The following TECPR2 variants were observed in gnomAD, a reference collection of about 807,000 sequenced individuals.
TECPR2 encodes tectonin beta-propeller repeat containing 2.
In TECPR2, 65 loss-of-function variants were observed where a neutral mutation model predicts 138.1. That is an observed-to-expected ratio of 0.47 (90% CI 0.39 to 0.58). The LOEUF (loss-of-function observed/expected upper bound fraction) is 0.58. Ranked by LOEUF, TECPR2 falls within the 20% of genes least tolerant of loss-of-function variation. The probability of loss-of-function intolerance (pLI) is 0.00; values close to 1 mark genes in which losing one functional copy is unlikely to be tolerated. For synonymous variants in TECPR2, 746 were observed against 749.8 expected (o/e 0.99, Z 0.08); for missense variants, 1,553 against 1,824.5 (o/e 0.85, Z 2.71).
In TECPR2 at chr14:102,436,334, TC is replaced by T. The variant is rs1405899539; in HGVS notation, c.2394+1124del. Among the ~76,000 whole-genome samples, 323 of 150,582 alleles carry T rather than the reference TC, an allele frequency of 2.1e-3. 4 individuals are homozygous for T. The highest frequency in any genetic ancestry group is 7.1e-3 in the African/African-American group (292 of 41,118). ...TCTTTCTTTCTTTTTTTTTTTTTTT[TC>T]TGAGACAGGGTCTCACTCTGTCACC... On this transcript the variant is annotated intron_variant, in intron 9 of 19. Coordinates refer to ENST00000359520, the MANE Select transcript of TECPR2 (RefSeq NM_014844.5).
At chr14:102,395,484 T>C (rs1888290922) in intron 2 of TECPR2, among the ~76,000 whole-genome samples, 1 of 152,196 alleles carries the variant, frequency 6.6e-6, no homozygotes, top group South Asian at 2.1e-4. Context: ...TGAGCAATGC[T>C]TATACATGTG....
intron 17 of TECPR2, among the ~76,000 whole-genome samples, chr14:102,490,818 C>G (rs1247724259): frequency 6.6e-6 from 1 of 152,240 alleles, no homozygotes; most frequent in Non-Finnish European, 1.5e-5. Flanking sequence ...CCTGCCCTTC[C>G]CTGCAGCTTG....
intron 9 of TECPR2, 108 bp downstream of exon 9, chr14:102,435,319 T>C (rs538920359): frequency 2.1e-6 from 3 of 1,449,216 alleles, no homozygotes; most frequent in South Asian, 2.8e-5. Flanking sequence ...CTATTCCTAC[T>C]GCAAAATCCG....
intron 17 of TECPR2, among the ~76,000 whole-genome samples, chr14:102,479,486 T>G (rs1890837485): frequency 6.6e-6 from 1 of 152,120 alleles, no homozygotes; most frequent in Non-Finnish European, 1.5e-5. Flanking sequence ...TGTGGCTAAT[T>G]CCATGGGCAG....
chr14:102,487,862 AC>A (rs1224983999), intron 17 of TECPR2, among the ~76,000 whole-genome samples: 2 of 111,224 alleles, frequency 1.8e-5, no homozygotes, highest in East Asian at 5.3e-4. Context: ...TTTTTTTGAT[AC>A]GGAGTTTCAC....
chr14:102,380,061 A>C (rs1471955454), intron 2 of TECPR2, among the ~76,000 whole-genome samples: 2 of 136,274 alleles, frequency 1.5e-5, no homozygotes, highest in East Asian at 2.2e-4. Context: ...TGAAGATCAC[A>C]GTCTTAAAAT....
chr14:102,368,853 A>G (rs1232421284), intron 1 of TECPR2, among the ~76,000 whole-genome samples: 2 of 152,056 alleles, frequency 1.3e-5, no homozygotes, highest in African/African-American at 2.4e-5. Context: ...GGCTTGAGGG[A>G]GGCTTGGAGA....
intron 16 of TECPR2, among the ~76,000 whole-genome samples, chr14:102,454,989 C>T (rs1890240524): frequency 6.6e-6 from 1 of 152,244 alleles, no homozygotes; most frequent in Non-Finnish European, 1.5e-5. Context: ...CCAGTCCTCC[C>T]AGCACCGGCT....
At chr14:102,407,984 G>A (rs930598918) in intron 3 of TECPR2, among the ~76,000 whole-genome samples, 1 of 150,346 alleles carries the variant, frequency 6.7e-6, no homozygotes, top group Non-Finnish European at 1.5e-5. Context: ...GCGACAGAGG[G>A]AGACTCCATC....
At chr14:102,464,918 G>C (rs1215404576) in intron 16 of TECPR2, among the ~76,000 whole-genome samples, 1 of 152,182 alleles carries the variant, frequency 6.6e-6, no homozygotes, top group Non-Finnish European at 1.5e-5. Flanking sequence ...AGTGGCCAGA[G>C]GCCATTATTA....
At chr14:102,440,329 G>A in intron 10 of TECPR2, 107 bp from the exon 11 acceptor site, 1 of 1,447,656 alleles carries the variant, frequency 6.9e-7, no homozygotes, top group South Asian at 1.3e-5. Context: ...GACAGAACAG[G>A]ATGTGTTTTA....
intron 3 of TECPR2, among the ~76,000 whole-genome samples, chr14:102,407,921 C>T (rs1171947589): frequency 2.0e-5 from 3 of 151,988 alleles, no homozygotes; most frequent in South Asian, 2.1e-4. Context: ...GGCGTGAACC[C>T]GGAAGACGGA....
intron 13 of TECPR2, among the ~76,000 whole-genome samples, chr14:102,446,643 C>T (rs1036618982): frequency 2.0e-5 from 3 of 151,992 alleles, no homozygotes; most frequent in African/African-American, 4.8e-5. Context: ...CCACCCTCTC[C>T]GCCTCCCAAA....
chr14:102,426,448 C>T (rs1889323855), intron 6 of TECPR2, among the ~76,000 whole-genome samples: 2 of 152,200 alleles, frequency 1.3e-5, no homozygotes, highest in Admixed American at 6.5e-5. Flanking sequence ...ACTCCTCACC[C>T]CCAGACTCTA....
intron 1 of TECPR2, among the ~76,000 whole-genome samples, chr14:102,363,519 T>C (rs1887249157): frequency 6.6e-6 from 1 of 151,272 alleles, no homozygotes; most frequent in Non-Finnish European, 1.5e-5. Flanking sequence ...CCGCGTCCCT[T>C]ACATCCGCCC....
In TECPR2 at chr14:102,498,990, G is replaced by T; in HGVS notation, c.*733G>T. On this transcript the variant is annotated 3_prime_UTR_variant, in exon 20 of 20. Coordinates refer to ENST00000359520, the MANE Select transcript of TECPR2 (RefSeq NM_014844.5). ...CACACAACACACCACACCCCACACC[G>T]CACTGCACCGCACCGCACCGCACCG... 1 of 694,432 alleles carries T rather than the reference G, an allele frequency of 1.4e-6. No individual in the cohort carries two copies. 43.0% of individuals were successfully genotyped at this position (694,432 alleles called of 1,614,324 possible).
chr14:102,406,544 C>CA (rs913610828), intron 2 of TECPR2, among the ~76,000 whole-genome samples: 138 of 146,978 alleles, frequency 9.4e-4, no homozygotes, highest in African/African-American at 2.9e-3. Flanking sequence ...GATTCCATCT[C>CA]AAAAAAAAAT....
chr14:102,491,056 G>T (rs576713858), intron 17 of TECPR2, among the ~76,000 whole-genome samples: 132 of 149,928 alleles, frequency 8.8e-4, no homozygotes, highest in Non-Finnish European at 1.7e-3. Context: ...CACCATGCCC[G>T]ATTAATTTTG....
intron 13 of TECPR2, among the ~76,000 whole-genome samples, chr14:102,448,927 A>G (rs116349476): frequency 2.2e-3 from 342 of 152,166 alleles, no homozygotes; most frequent in African/African-American, 7.2e-3. Context: ...TTATGTTTCT[A>G]AGTACCGTAT....
Sources: gnomAD v4.1 joint callset for allele counts (sites outside exome capture counted in the v4.1 genomes callset) on GRCh38, gnomAD v4.1.1 for gene constraint, MANE v1.5 for transcripts, NCBI Gene and HGNC (gene_info 2026-07-23, HGNC 2026-07-21) for gene names.